Variants in SLC28A3 observed in about 807,000 individuals in gnomAD.
The protein encoded by SLC28A3 is concentrative Na(+)-nucleoside cotransporter 3.
A neutral mutation model predicts 84.2 loss-of-function variants in SLC28A3; 68 were observed. The observed-to-expected ratio is 0.81, with a 90% confidence interval of 0.66 to 0.99. The LOEUF (loss-of-function observed/expected upper bound fraction) is 0.99. Among genes scored for constraint, SLC28A3 ranks in the 50% least tolerant of loss-of-function variants. The probability of loss-of-function intolerance (pLI) is 0.00; values close to 1 mark genes in which losing one functional copy is unlikely to be tolerated. For missense variants in SLC28A3, 712 were observed against 841.5 expected, an observed-to-expected ratio of 0.85 and a Z score of 1.90; for synonymous variants, 267 against 303.6, an observed-to-expected ratio of 0.88 and a Z score of 1.25.
intron 5 of SLC28A3, among the ~76,000 whole-genome samples, chr9:84,299,981 T>C (rs1588583394): frequency 6.6e-6 from 1 of 152,050 alleles, no homozygotes; most frequent in Non-Finnish European, 1.5e-5. Context: ...TTAGTAGAGA[T>C]GGGGTTTCAC....
chr9:84,301,311 C>T (rs1172314637), intron 5 of SLC28A3, among the ~76,000 whole-genome samples: 4 of 134,122 alleles, frequency 3.0e-5, no homozygotes, highest in African/African-American at 1.1e-4. Context: ...GATGGTGCCA[C>T]TGCACTCCAG....
At chr9:84,289,530 C>T (rs993721378) in intron 11 of SLC28A3, among the ~76,000 whole-genome samples, 6 of 152,156 alleles carry the variant, frequency 3.9e-5, no homozygotes, top group African/African-American at 1.4e-4. Context: ...GGGTCTCATC[C>T]CAAGGAACTG....
At chr9:84,361,661 G>C in the SLC28A3 span, among the ~76,000 whole-genome samples, 2 of 151,970 alleles carry the variant, frequency 1.3e-5, no homozygotes, top group South Asian at 4.2e-4. Context: ...TATCTTAGAG[G>C]ATCTGCCTAT....
intron 3 of SLC28A3, among the ~76,000 whole-genome samples, chr9:84,308,281 C>T (rs1825870233): frequency 6.6e-6 from 1 of 152,026 alleles, no homozygotes; most frequent in Non-Finnish European, 1.5e-5. Flanking sequence ...CGTGGTGGCT[C>T]ACACCTGTAA....
intron 1 of SLC28A3, among the ~76,000 whole-genome samples, chr9:84,333,618 A>G (rs1049224975): frequency 6.6e-6 from 1 of 152,252 alleles, no homozygotes; most frequent in African/African-American, 2.4e-5. Context: ...ACATACTGCT[A>G]CACACCCACC....
intron 1 of SLC28A3, among the ~76,000 whole-genome samples, chr9:84,336,880 C>T (rs542551229): frequency 1.3e-5 from 2 of 152,268 alleles, no homozygotes; most frequent in South Asian, 4.1e-4. Flanking sequence ...GTGCTCTGCC[C>T]ACCCCACCTC....
At chr9:84,295,039 C>T (rs1825362858) in intron 8 of SLC28A3, among the ~76,000 whole-genome samples, 1 of 152,116 alleles carries the variant, frequency 6.6e-6, no homozygotes. Flanking sequence ...CTCTAGCCTG[C>T]TGCCACTGGA....
At chr9:84,368,132 C>G in the SLC28A3 span, among the ~76,000 whole-genome samples, 1 of 152,100 alleles carries the variant, frequency 6.6e-6, no homozygotes, top group Admixed American at 6.6e-5. Flanking sequence ...GGGCAGAGGT[C>G]CCTGTGGCTT....
At chr9:84,352,074 A>G in the SLC28A3 span, among the ~76,000 whole-genome samples, 1 of 152,206 alleles carries the variant, frequency 6.6e-6, no homozygotes, top group Non-Finnish European at 1.5e-5. Context: ...ATATGTAAAC[A>G]TATACATTTA....
At chr9:84,352,805 A>G in the SLC28A3 span, among the ~76,000 whole-genome samples, 1 of 142,394 alleles carries the variant, frequency 7.0e-6, no homozygotes, top group Non-Finnish European at 1.5e-5. Flanking sequence ...AGGTACAAGG[A>G]TTGCTTGAAC....
chr9:84,305,148 G>T (rs1825746590), intron 4 of SLC28A3, 106 bp downstream of exon 4: 1 of 957,520 alleles, frequency 1.0e-6, no homozygotes, highest in Non-Finnish European at 1.5e-6. Flanking sequence ...AGGTCCCAGA[G>T]AAAATAAAGG....
At chr9:84,359,798 C>T in the SLC28A3 span, among the ~76,000 whole-genome samples, 6 of 151,832 alleles carry the variant, frequency 4.0e-5, no homozygotes, top group East Asian at 3.9e-4. Context: ...CCCAGGAGTT[C>T]GAGACCAGCC....
chr9:84,354,504 G>A, the SLC28A3 span, among the ~76,000 whole-genome samples: 4 of 152,232 alleles, frequency 2.6e-5, no homozygotes, highest in Admixed American at 2.0e-4. Flanking sequence ...ATAATCGATT[G>A]AAACACATAA....
chr9:84,279,355 T>TTGA lies in SLC28A3; in HGVS notation c.1856_1858dup (p.Ile619dup). The TTGA allele has an allele frequency of 6.2e-7, 1 of 1,612,876 alleles. No individual in the cohort carries two copies. Among genetic ancestry groups the TTGA allele is most frequent in the Non-Finnish European group, 8.5e-7 (1 of 1,179,276 alleles). ...GGCATTCTCTAAAACGTGATGGCAG[T>TTGA]TGATGTCCACAGGAGTGCTGGAGAG... On this transcript the variant is annotated inframe_insertion, in exon 17 of 18. Transcript: ENST00000376238.
At chr9:84,352,972 A>G in the SLC28A3 span, among the ~76,000 whole-genome samples, 3 of 150,968 alleles carry the variant, frequency 2.0e-5, no homozygotes, top group Non-Finnish European at 2.9e-5. Flanking sequence ...AGATTTAACT[A>G]TTGATGAGGA....
intron 1 of SLC28A3, among the ~76,000 whole-genome samples, chr9:84,314,137 T>C (rs975345816): frequency 2.0e-5 from 3 of 151,826 alleles, no homozygotes; most frequent in African/African-American, 7.3e-5. Context: ...AGATGTTAGA[T>C]TTACGAAATG....
chr9:84,353,515 G>A, the SLC28A3 span, among the ~76,000 whole-genome samples: 1 of 152,184 alleles, frequency 6.6e-6, no homozygotes, highest in Admixed American at 6.5e-5. Context: ...TTCGAGGCCA[G>A]CATGGCCAAC....
At chr9:84,362,929 AC>A in the SLC28A3 span, among the ~76,000 whole-genome samples, 2 of 152,156 alleles carry the variant, frequency 1.3e-5, no homozygotes, top group African/African-American at 4.8e-5. Context: ...AAATCTAATA[AC>A]TAACATATTT....
chr9:84,298,053 G>A, intron 6 of SLC28A3, 34 bp from the exon 7 acceptor site: 3 of 1,552,538 alleles, frequency 1.9e-6, no homozygotes, highest in Non-Finnish European at 2.6e-6. Context: ...TGTCTTAGTA[G>A]GAAAATTAAT....
Sources: allele counts gnomAD v4.1 joint callset (sites outside exome capture counted in the v4.1 genomes callset), GRCh38; gene constraint gnomAD v4.1.1; transcripts MANE v1.5; gene names NCBI Gene and HGNC (gene_info 2026-07-23, HGNC 2026-07-21).